TAF1: variants seen among roughly 807,000 people sequenced by gnomAD.
TAF1 encodes transcription initiation factor TFIID subunit 1.
Under a neutral mutation model 138.5 loss-of-function variants are expected in TAF1, and 2 were observed. The observed-to-expected ratio is 0.01, with a 90% CI of 0.01 to 0.05. The LOEUF is 0.05. Among genes scored for constraint, TAF1 ranks in the 10% least tolerant of loss-of-function variants. The pLI, the probability that TAF1 is intolerant of heterozygous loss-of-function variation, is 1.00. For missense variants in TAF1, 709 were observed against 1,478.0 expected (o/e 0.48, Z 8.53); for synonymous variants, 437 against 503.2 (o/e 0.87, Z 1.76).
At chrX:71,393,145 A>T in intron 20 of TAF1, 151 bp downstream of exon 20, 1 of 1,058,984 alleles carries the variant, frequency 9.4e-7, no homozygotes, top group Non-Finnish European at 1.3e-6. Context: ...TTATCTTTCT[A>T]TGTAATCTGC....
In TAF1 at chrX:71,407,577, C is replaced by A; in HGVS notation, c.4111C>A (p.Pro1371Thr). Residue 1371 changes from proline to threonine, a missense_variant, in exon 27 of 38, where the codon CCT (proline) becomes ACT (threonine). Pro to Thr is a conservative substitution (Grantham distance 38). Around this residue, in one of 14 missense-constraint regions of TAF1, gnomAD observed 63 missense variants for 163.3 expected, o/e 0.39. Coordinates refer to ENST00000423759, the MANE Select transcript of TAF1 (RefSeq NM_004606.5). ...CTGATTTCACATTTCTCCTTAGAGA[C>A]CTCATAAGTCCATCCACCGGCGCCG... ...TTVHCDYLNR[P>T]HKSIHRRRTD... 1 of 1,209,667 alleles carries A rather than the reference C, an allele frequency of 8.3e-7. No homozygotes were observed. Among genetic ancestry groups the A allele is most frequent in the Non-Finnish European group, 1.1e-6 (1 of 893,996 alleles).
chrX:71,384,867 A>G (rs2034120693), intron 13 of TAF1, 78 bp from the exon 14 acceptor site: 2 of 745,966 alleles, frequency 2.7e-6, no homozygotes, highest in Non-Finnish European at 3.9e-6. Context: ...CTCAACCTGT[A>G]TTAGTAAAGT....
At position 71,424,296 on chromosome X, in the gene TAF1, A is replaced by G. The variant is rs777541245; in HGVS notation, c.4753+58A>G. 4 of 1,024,551 alleles carry G rather than the reference A, an allele frequency of 3.9e-6. No individual in the cohort carries two copies. In the South Asian group the frequency reaches 7.3e-5, roughly 19 times the overall value. The allele number at this position is 1,024,551 out of a possible 1,213,427, so 84.4% of individuals were successfully genotyped here. ...TCCGTCCATCTTCTATCCATCTAAC[A>G]TTACTTAGCATTATTAAAAAATTTT... On this transcript the variant is annotated intron_variant, in intron 32 of 37. Coordinates refer to ENST00000423759, the MANE Select transcript of TAF1 (RefSeq NM_004606.5).
At chrX:71,418,665 TGAG>T (rs771221269) in intron 28 of TAF1, among the ~76,000 whole-genome samples, 139 of 111,921 alleles carry the variant, frequency 1.2e-3, no homozygotes, top group Non-Finnish European at 1.9e-3. Context: ...TGCTTTATGA[TGAG>T]CTTAAATTAG....
intron 13 of TAF1, among the ~76,000 whole-genome samples, chrX:71,517,376 T>C (rs867510103): frequency 4.5e-5 from 5 of 112,251 alleles, no homozygotes; most frequent in South Asian, 7.4e-4. Flanking sequence ...ATGCTTGAGG[T>C]GACAAATACC....
intron 28 of TAF1, among the ~76,000 whole-genome samples, chrX:71,419,299 A>G (rs1376116684): frequency 9.0e-6 from 1 of 110,557 alleles, no homozygotes; most frequent in Non-Finnish European, 1.9e-5. Flanking sequence ...AAATGAGCTA[A>G]AAAAGTAAAC....
intron 13 of TAF1, among the ~76,000 whole-genome samples, chrX:71,489,016 G>A (rs1313542905): frequency 4.7e-5 from 5 of 106,409 alleles, no homozygotes; most frequent in East Asian, 2.9e-4. Context: ...GCAGTGAGCC[G>A]AGATCGCACC....
intron 34 of TAF1, among the ~76,000 whole-genome samples, chrX:71,457,749 A>G (rs1054654465): frequency 2.7e-5 from 3 of 112,080 alleles, no homozygotes; most frequent in Admixed American, 9.5e-5. Context: ...AACCCAGGAC[A>G]TTTTACTCCA....
chrX:71,470,588 G>A (rs1227992059), downstream of TAF1, among the ~76,000 whole-genome samples: 3 of 108,088 alleles, frequency 2.8e-5, no homozygotes, highest in East Asian at 3.0e-4. Flanking sequence ...TGTTGGCCAG[G>A]CTGGTCTTGA....
At chrX:71,508,998 G>A (rs1394903425) in intron 13 of TAF1, among the ~76,000 whole-genome samples, 1 of 107,824 alleles carries the variant, frequency 9.3e-6, no homozygotes, top group Non-Finnish European at 1.9e-5. Context: ...TGTAGAGGTG[G>A]GGTCTCGCCA....
chrX:71,527,372 G>A (rs2040016528), intron 13 of TAF1, among the ~76,000 whole-genome samples: 1 of 91,999 alleles, frequency 1.1e-5, no homozygotes, highest in Admixed American at 1.3e-4. Context: ...GGCAACAGGA[G>A]CCAAACTCCG....
intron 13 of TAF1, among the ~76,000 whole-genome samples, chrX:71,481,939 G>A (rs182375507): frequency 8.9e-6 from 1 of 112,182 alleles, no homozygotes; most frequent in African/African-American, 3.2e-5. Context: ...AAATAAGTAG[G>A]TATTTGTTTT....
intron 25 of TAF1, among the ~76,000 whole-genome samples, chrX:71,406,019 C>T (rs1392449365): frequency 1.8e-5 from 2 of 110,163 alleles, no homozygotes; most frequent in Non-Finnish European, 3.8e-5. Context: ...CTGAACCTAG[C>T]CTTTTAACAT....
intron 13 of TAF1, among the ~76,000 whole-genome samples, chrX:71,510,514 C>T (rs1271708200): frequency 1.8e-5 from 2 of 111,704 alleles, no homozygotes; most frequent in Non-Finnish European, 3.8e-5. Context: ...AGGGCAGCCA[C>T]AGTGTGATGC....
intron 3 of TAF1, among the ~76,000 whole-genome samples, chrX:71,372,432 CAAAAAAAA>C (rs41384445): frequency 1.1e-4 from 3 of 28,537 alleles, no homozygotes; most frequent in African/African-American, 3.1e-4. Flanking sequence ...AACTCTGCCT[CAAAAAAAA>C]AAAAAAAAAA....
chrX:71,379,383 G>A (rs542479850), intron 8 of TAF1, among the ~76,000 whole-genome samples: 1 of 108,951 alleles, frequency 9.2e-6, no homozygotes, highest in South Asian at 4.0e-4. Context: ...CCAAAGTGCT[G>A]GGATTACAGG....
chrX:71,401,797 T>C, intron 25 of TAF1, 58 bp downstream of exon 25: 1 of 1,097,696 alleles, frequency 9.1e-7, no homozygotes, highest in South Asian at 1.9e-5. Context: ...TTGGTTATAT[T>C]GGTGGCTGGC....
intron 13 of TAF1, among the ~76,000 whole-genome samples, chrX:71,477,778 G>A (rs986910471): frequency 9.0e-6 from 1 of 111,546 alleles, no homozygotes; most frequent in African/African-American, 3.3e-5. Flanking sequence ...TGGATCACTC[G>A]AGGTCAGGAG....
chrX:71,525,732 A>G (rs941723797), intron 13 of TAF1, among the ~76,000 whole-genome samples: 1 of 110,063 alleles, frequency 9.1e-6, no homozygotes, highest in Non-Finnish European at 1.9e-5. Flanking sequence ...GGCTCACTGC[A>G]ACCTCCACCT....
Sources: allele counts gnomAD v4.1 joint callset (sites outside exome capture counted in the v4.1 genomes callset), GRCh38; gene constraint gnomAD v4.1.1; regional missense constraint gnomAD v4.1.1; transcripts MANE v1.5; gene names NCBI Gene and HGNC (gene_info 2026-07-23, HGNC 2026-07-21).